CSMD1: variants seen among roughly 807,000 people sequenced by gnomAD.
CSMD1 encodes CUB and sushi domain-containing protein 1.
A neutral mutation model predicts 417.5 loss-of-function variants in CSMD1; 213 were observed. The ratio of observed to expected loss-of-function variants is 0.51; its 90% confidence interval spans 0.46 to 0.57. CSMD1 has a LOEUF of 0.57. Among genes scored for constraint, CSMD1 ranks in the 20% least tolerant of loss-of-function variants. The pLI is 0.00. For synonymous variants in CSMD1, 2,862 were observed against 1,736.8 expected (o/e 1.65, Z -16.11); for missense variants, 6,923 against 4,529.7 (o/e 1.53, Z -15.17).
At chr8:4,455,557 G>C (rs1468756072) in intron 2 of CSMD1, among the ~76,000 whole-genome samples, 4 of 152,090 alleles carry the variant, frequency 2.6e-5, no homozygotes, top group Non-Finnish European at 5.9e-5. Context: ...TATAGAATAT[G>C]ACCTCCTGCT....
intron 26 of CSMD1, among the ~76,000 whole-genome samples, chr8:3,258,149 G>A (rs1360679935): frequency 6.6e-6 from 1 of 152,100 alleles, no homozygotes; most frequent in Non-Finnish European, 1.5e-5. Flanking sequence ...AGAATGAACA[G>A]GGTAAACAGA....
intron 4 of CSMD1, among the ~76,000 whole-genome samples, chr8:4,006,982 C>T (rs113755834): frequency 7.9e-5 from 12 of 151,920 alleles, no homozygotes; most frequent in Non-Finnish European, 1.2e-4. Context: ...CACACACCAC[C>T]ACACCCGGCT....
chr8:3,745,461 A>T (rs528773324), intron 6 of CSMD1, among the ~76,000 whole-genome samples: 1 of 152,362 alleles, frequency 6.6e-6, no homozygotes, highest in East Asian at 1.9e-4. Flanking sequence ...AACTTGACGT[A>T]ATCTGAGACA....
Position 3,741,213 on chromosome 8 carries a change from T to TAAAAAAA in CSMD1, c.931+12710_931+12716dup, listed in dbSNP as rs58662516. ...CGGGCAACAGAGCAAGACTCCGTCT[T>TAAAAAAA]AAAAAAAAAAAAAAAAAAAAAAAAA... On this transcript the variant is annotated intron_variant, in intron 6 of 69. Transcript: ENST00000635120. 3.4e-3 allele frequency among the ~76,000 whole-genome samples: 231 copies of TAAAAAAA among 67,254 alleles called. 9 individuals carry two copies. Among genetic ancestry groups the TAAAAAAA allele is most frequent in the Non-Finnish European group, 5.0e-3 (184 of 36,838 alleles). The allele number at this position is 67,254 out of a possible 152,430, so 44.1% of individuals were successfully genotyped here.
intron 3 of CSMD1, among the ~76,000 whole-genome samples, chr8:4,160,752 T>G (rs1797108628): frequency 6.6e-6 from 1 of 152,228 alleles, no homozygotes. Flanking sequence ...GATACTACAT[T>G]TACTCAGTCA....
chr8:3,569,644 T>C (rs1310226775), intron 10 of CSMD1, among the ~76,000 whole-genome samples: 1 of 152,218 alleles, frequency 6.6e-6, no homozygotes. Flanking sequence ...ACTGTTTCTC[T>C]TTTCTCTTAT....
intron 1 of CSMD1, among the ~76,000 whole-genome samples, chr8:4,969,826 G>C (rs1031326102): frequency 4.6e-5 from 7 of 152,064 alleles, no homozygotes; most frequent in Non-Finnish European, 8.8e-5. Context: ...TTCTCAGGCA[G>C]TAGTGAATTT....
At position 4,160,810 on chromosome 8, in the gene CSMD1, A is replaced by C. The variant is rs117900799; in HGVS notation, c.416-128711T>G. Among the ~76,000 whole-genome samples the C allele has an allele frequency of 4.6e-5, 7 of 152,246 alleles. No individual in the cohort carries two copies. The South Asian group carries it at 1.0e-3, about 23-fold the overall frequency. On this transcript the variant is annotated intron_variant, in intron 3 of 69. Transcript: ENST00000635120. Reference sequence around the variant, plus strand: ...TACCCGTGAAGGTGGTGTACTGTAAATATCAGAAAAGAAGAAGAAAAGGAA... The same window carrying C: ...TACCCGTGAAGGTGGTGTACTGTAACTATCAGAAAAGAAGAAGAAAAGGAA...
intron 10 of CSMD1, among the ~76,000 whole-genome samples, chr8:3,554,928 G>A (rs186896447): frequency 6.6e-6 from 1 of 152,078 alleles, no homozygotes; most frequent in Non-Finnish European, 1.5e-5. Context: ...CAGCCACACA[G>A]GGCAAGTGGG....
intron 1 of CSMD1, chr8:4,787,397 C>G (rs1797462600): frequency 1.4e-6 from 1 of 738,272 alleles, no homozygotes; most frequent in Non-Finnish European, 2.5e-6. Flanking sequence ...AAGAAGTCTA[C>G]GAAAAGTCCT....
intron 2 of CSMD1, among the ~76,000 whole-genome samples, chr8:4,563,794 C>A (rs914804650): frequency 6.6e-6 from 1 of 152,120 alleles, no homozygotes; most frequent in Non-Finnish European, 1.5e-5. Flanking sequence ...ATGTTTCTGT[C>A]CCCAATGTGT....
At chr8:3,740,919 G>T (rs1485198531) in intron 6 of CSMD1, among the ~76,000 whole-genome samples, 2 of 152,026 alleles carry the variant, frequency 1.3e-5, no homozygotes, top group African/African-American at 2.4e-5. Flanking sequence ...ACTGGGATCA[G>T]AAGAAGATAG....
At chr8:3,489,827 A>G (rs1460492977) in intron 11 of CSMD1, among the ~76,000 whole-genome samples, 5 of 152,198 alleles carry the variant, frequency 3.3e-5, no homozygotes, top group Admixed American at 1.3e-4. Context: ...CTAGAATTCC[A>G]TATTTCCCAC....
At chr8:4,243,052 G>A (rs1056428246) in intron 3 of CSMD1, among the ~76,000 whole-genome samples, 1 of 152,100 alleles carries the variant, frequency 6.6e-6, no homozygotes, top group Non-Finnish European at 1.5e-5. Flanking sequence ...TGAGTACACG[G>A]GTCAGGGGTA....
chr8:4,839,483 C>G (rs1313221183), intron 1 of CSMD1, among the ~76,000 whole-genome samples: 2 of 152,230 alleles, frequency 1.3e-5, no homozygotes, highest in East Asian at 1.9e-4. Context: ...CTGAAAAATC[C>G]TAACTCAGCT....
At chr8:3,596,698 C>A (rs1801111157) in intron 8 of CSMD1, among the ~76,000 whole-genome samples, 1 of 152,086 alleles carries the variant, frequency 6.6e-6, no homozygotes, top group Admixed American at 6.6e-5. Context: ...AGTATCCAGG[C>A]TTAAGGAGCA....
intron 40 of CSMD1, among the ~76,000 whole-genome samples, chr8:3,145,071 TTG>T (rs1440252510): frequency 7.7e-6 from 1 of 129,422 alleles, no homozygotes; most frequent in Non-Finnish European, 1.7e-5. Flanking sequence ...ATGCATGCAT[TTG>T]TGTGTCTGTG....
chr8:4,850,924 GTTAT>G (rs1801440148), intron 1 of CSMD1, among the ~76,000 whole-genome samples: 2 of 142,900 alleles, frequency 1.4e-5, no homozygotes, highest in Admixed American at 7.4e-5. Context: ...ACTTTTTGTG[GTTAT>G]TTTTTTATCC....
At chr8:4,098,908 C>T (rs1429710603) in intron 3 of CSMD1, among the ~76,000 whole-genome samples, 1 of 152,106 alleles carries the variant, frequency 6.6e-6, no homozygotes, top group Non-Finnish European at 1.5e-5. Context: ...TGGGTTAGAA[C>T]CAGTATTAGA....
Sources: allele counts gnomAD v4.1 joint callset (sites outside exome capture counted in the v4.1 genomes callset), GRCh38; gene constraint gnomAD v4.1.1; transcripts MANE v1.5; gene names NCBI Gene and HGNC (gene_info 2026-07-23, HGNC 2026-07-21).